Variants in SNURF observed in about 807,000 individuals in gnomAD.
The protein encoded by SNURF is SNURF protein.
Under a neutral mutation model 11.6 loss-of-function variants are expected in SNURF, and 6 were observed. The ratio of observed to expected loss-of-function variants is 0.52; its 90% CI spans 0.28 to 1.02. The LOEUF (loss-of-function observed/expected upper bound fraction) is 1.02. Among genes scored for constraint, SNURF ranks in the 50% least tolerant of loss-of-function variants. The pLI is 0.09. For missense variants in SNURF, 84 were observed against 88.4 expected (o/e 0.95, Z 0.20); for synonymous variants, 29 against 31.6 (o/e 0.92, Z 0.27).
chr15:24,971,400 A>G (rs769237207), downstream of SNURF, among the ~76,000 whole-genome samples: 3 of 152,196 alleles, frequency 2.0e-5, no homozygotes, highest in Non-Finnish European at 2.9e-5. Flanking sequence ...ATTGTATCAC[A>G]TTTAGGGATG....
At chr15:24,976,902 C>T in exon 6 of SNURF, 1 of 1,607,746 alleles carries the variant, frequency 6.2e-7, no homozygotes, top group South Asian at 1.1e-5. Context: ...GTACCACTTG[C>T]TGGAGCTGCT....
chr15:24,977,950 A>G (rs759844041), downstream of SNURF: 1 of 1,520,668 alleles, frequency 6.6e-7, no homozygotes, highest in Admixed American at 2.2e-5. Context: ...ACGAACTTGA[A>G]TCTCTGATGA....
intron 2 of SNURF, among the ~76,000 whole-genome samples, 180 bp downstream of exon 2, chr15:24,962,389 C>T (rs1008662286): frequency 1.3e-5 from 2 of 152,268 alleles, no homozygotes; most frequent in Admixed American, 6.5e-5. Flanking sequence ...ATAATTCACC[C>T]TCTTAAAGAT....
At chr15:24,960,934 G>C (rs1033738057) in intron 1 of SNURF, among the ~76,000 whole-genome samples, 1 of 152,034 alleles carries the variant, frequency 6.6e-6, no homozygotes, top group Non-Finnish European at 1.5e-5. Flanking sequence ...AAGTTTCTTT[G>C]CCTCTCCCTA....
chr15:24,967,787 AAC>A, intron 2 of SNURF, 143 bp from the exon 3 acceptor site: 1 of 710,704 alleles, frequency 1.4e-6, no homozygotes, highest in Non-Finnish European at 2.3e-6. Flanking sequence ...CAGCCTGGGC[AAC>A]AGAATGAGAC....
intron 6 of SNURF, among the ~76,000 whole-genome samples, chr15:24,977,207 T>C (rs1190652653): frequency 6.6e-6 from 1 of 152,198 alleles, no homozygotes; most frequent in East Asian, 1.9e-4. Context: ...AAATGGTCAT[T>C]GGGTGATTAA....
intron 2 of SNURF, chr15:24,967,342 A>G (rs183273992): frequency 2.4e-4 from 38 of 155,114 alleles, no homozygotes; most frequent in Non-Finnish European, 4.6e-4. Context: ...CTCTGACCCT[A>G]AAGAAAGATC....
At position 24,974,311 on chromosome 15, in the gene SNURF, G is replaced by A. The variant is rs1252799722; in HGVS notation, c.*46-1047G>A. On this transcript the variant is annotated intron_variant and NMD_transcript_variant, in intron 3 of 6. Transcript: ENST00000580062. ...AGCTTTAACATGCTTTCCTCTGCAG[G>A]CTCCATCTACTCTTTGAAGCTTCTG... is the stretch of plus-strand genomic sequence containing the variant. 27 of 744,204 alleles carry A rather than the reference G, an allele frequency of 3.6e-5. No homozygotes were observed. The Admixed American group carries it at 5.4e-4, about 15-fold the overall frequency. The allele number at this position is 744,204 out of a possible 1,614,324, so 46.1% of individuals were successfully genotyped here.
At chr15:24,976,837 T>G in intron 5 of SNURF, 1 of 1,583,596 alleles carries the variant, frequency 6.3e-7, no homozygotes, top group South Asian at 1.1e-5. Context: ...TGAGAACTTG[T>G]AAATTGTTTG....
Position 24,963,801 on chromosome 15 carries a change from G to A in SNURF, c.110+1592G>A, listed in dbSNP as rs186438819. 4.1e-3 allele frequency among the ~76,000 whole-genome samples: 624 copies of A among 152,158 alleles called. 4 individuals carry two copies. Among genetic ancestry groups the A allele is most frequent in the Non-Finnish European group, 5.2e-3 (353 of 68,008 alleles). On this transcript the variant is annotated intron_variant, in intron 2 of 2. Transcript: ENST00000577949. Reference sequence around the variant, plus strand: ...TGCCTCTAATCCCAGCATGTTGGGAGGCTGAGGTGGATCACTTGAGCCCAG... The same window carrying A: ...TGCCTCTAATCCCAGCATGTTGGGAAGCTGAGGTGGATCACTTGAGCCCAG...
chr15:24,976,154 G>T (rs561141648), intron 4 of SNURF: 1 of 656,508 alleles, frequency 1.5e-6, no homozygotes, highest in Admixed American at 2.6e-5. Context: ...TATTAACTGT[G>T]TTTACAGATA....
chr15:24,978,165 C>G (rs374823873), downstream of SNURF: 7 of 1,605,294 alleles, frequency 4.4e-6, no homozygotes, highest in African/African-American at 6.7e-5. Context: ...TTTTATGAGG[C>G]CTTTATTTCT....
chr15:24,967,967 A>G (rs775831235), exon 3 of SNURF: 1 of 1,614,188 alleles, frequency 6.2e-7, no homozygotes, highest in South Asian at 1.1e-5. Context: ...CAGCAGCAGC[A>G]AGTACCTGTG....
At chr15:24,967,968 A>G (rs974819141) in exon 3 of SNURF, 2 of 1,614,186 alleles carry the variant, frequency 1.2e-6, no homozygotes, top group Non-Finnish European at 1.7e-6. Flanking sequence ...AGCAGCAGCA[A>G]GTACCTGTGG....
At chr15:24,958,282 A>AT (rs978798542) in intron 1 of SNURF, among the ~76,000 whole-genome samples, 1 of 151,718 alleles carries the variant, frequency 6.6e-6, no homozygotes, top group Non-Finnish European at 1.5e-5. Flanking sequence ...CTGTTTAGCT[A>AT]TTTTTTAGGA....
At chr15:24,958,092 T>A (rs1173668890) in intron 1 of SNURF, among the ~76,000 whole-genome samples, 2 of 152,216 alleles carry the variant, frequency 1.3e-5, no homozygotes, top group Non-Finnish European at 2.9e-5. Context: ...TATCTTGATT[T>A]CACTATTCTA....
chr15:24,971,809 T>G (rs1019462870), downstream of SNURF, among the ~76,000 whole-genome samples: 1 of 152,166 alleles, frequency 6.6e-6, no homozygotes, highest in Admixed American at 6.5e-5. Flanking sequence ...AAGCAATGAT[T>G]TAAGTAAATT....
Position 24,955,027 on chromosome 15 carries a change from C to CT in SNURF, c.-21dup, listed in dbSNP as rs1566948537. 2 of 1,612,902 alleles carry CT rather than the reference C, an allele frequency of 1.2e-6. No individual in the cohort carries two copies. The highest frequency in any genetic ancestry group is 3.3e-5 in the Admixed American group (2 of 60,016). On this transcript the variant is annotated 5_prime_UTR_variant, in exon 1 of 3. The change abolishes the stop of an existing upstream ORF in the 5' untranslated region. Transcript: ENST00000577949. ...CGCCGGAGATGCCTGACGCATCTGT[C>CT]TGAGGAGCGGTCAGTGACGCGATGG...
Position 24,962,225 on chromosome 15 carries a change from G to A in SNURF, c.110+16G>A, listed in dbSNP as rs1456095202. 6.2e-7 allele frequency: 1 copy of A among 1,605,782 alleles called. No individual in the cohort carries two copies. Among genetic ancestry groups the A allele is most frequent in the Admixed American group, 1.7e-5 (1 of 59,990 alleles). On this transcript the variant is annotated intron_variant, in intron 2 of 2. Transcript: ENST00000577949. The stretch of plus-strand genomic sequence containing the variant: ...GCAACCAAGAGTGAGTACAGACTGT[G>A]TTGGGAACAAATGCAAGTCAGAATC...
Sources: gnomAD v4.1 joint callset for allele counts (sites outside exome capture counted in the v4.1 genomes callset) on GRCh38, gnomAD v4.1.1 for gene constraint, MANE v1.5 for transcripts, NCBI Gene and HGNC (gene_info 2026-07-23, HGNC 2026-07-21) for gene names.